Variants in PIGF observed in about 807,000 individuals in gnomAD.
PIGF encodes the protein GPI ethanolamine phosphate transferase, stabilizing subunit.
A neutral mutation model predicts 26.0 loss-of-function variants in PIGF; 23 were observed. That is an observed-to-expected ratio of 0.88 (90% CI 0.64 to 1.25). The LOEUF (loss-of-function observed/expected upper bound fraction) is 1.25. PIGF is among the 50% of genes most tolerant of loss of function. PIGF has a pLI of 0.00. For missense variants in PIGF, 278 were observed against 249.9 expected, an observed-to-expected ratio of 1.11 and a Z score of -0.76; for synonymous variants, 93 against 92.6, an observed-to-expected ratio of 1.00 and a Z score of -0.03.
intron 4 of PIGF, among the ~76,000 whole-genome samples, chr2:46,598,324 G>A (rs1215181513): frequency 6.6e-6 from 1 of 151,248 alleles, no homozygotes; most frequent in African/African-American, 2.4e-5. Context: ...TTTATTTGAC[G>A]TATTCCTCAA....
intron 2 of PIGF, chr2:46,614,332 T>C (rs949807592): frequency 6.5e-6 from 1 of 153,200 alleles, no homozygotes; most frequent in African/African-American, 2.4e-5. Context: ...CTTAAGAATA[T>C]ATAAACATAA....
In PIGF at chr2:46,615,014, C is replaced by T; in HGVS notation, c.151G>A (p.Val51Ile). Residue 51 changes from valine (V) to isoleucine (I), a missense_variant, in exon 2 of 6, where the codon GTA (valine) becomes ATA (isoleucine). Physicochemically the swap from Val to Ile is conservative, Grantham distance 29. Transcript: ENST00000281382. ...LTWLCICSGFVTAVNLVLYLV... is the reference protein window; with the variant it reads ...LTWLCICSGFITAVNLVLYLV... ...TATAGTACTAGATTGACAGCAGTTA[C>T]AAAACCAGAACAGATGCACAACCAT... The T allele has an allele frequency of 2.5e-6, 4 of 1,609,706 alleles. No homozygotes were observed. Among genetic ancestry groups the T allele is most frequent in the Non-Finnish European group, 3.4e-6 (4 of 1,176,110 alleles).
At position 46,612,229 on chromosome 2, in the gene PIGF, C is replaced by A; in HGVS notation, c.436G>T (p.Gly146Ter). ...TTATAATATAAAATTAAAACTTACC[C>A]ATTTCTACTGAACACTCTTAGCCAT... ...KAWLRVFSRN[G>*]VTSIWENSLQ... Residue 146 changes from glycine (G) to a stop codon, truncating the protein, a stop_gained and splice_region_variant, in exon 4 of 6, where the codon GGA (glycine) becomes TGA (stop). Transcript: ENST00000281382. LOFTEE classifies it high-confidence loss of function. 2 of 989,098 alleles carry A rather than the reference C, an allele frequency of 2.0e-6. No homozygotes were observed. The highest frequency in any genetic ancestry group is 1.4e-6 in the Non-Finnish European group (1 of 717,690). 61.3% of individuals were successfully genotyped at this position (989,098 alleles called of 1,614,324 possible). A position where few individuals can be genotyped will look rare whatever the true frequency, so the allele number is the denominator to read the frequency against.
chr2:46,598,049 A>T (rs979273905), intron 4 of PIGF, among the ~76,000 whole-genome samples: 18 of 151,820 alleles, frequency 1.2e-4, no homozygotes, highest in Non-Finnish European at 5.9e-5. Flanking sequence ...TTTTGAACTA[A>T]TTTCTGCTTT....
rs1195972174 is a variant in PIGF, at chr2:46,589,869, A to G, written c.546+2606T>C. On this transcript the variant is annotated intron_variant, in intron 5 of 5. Coordinates refer to ENST00000281382, the MANE Select transcript of PIGF (RefSeq NM_002643.4). The surrounding 1 kb of genome is among the most constrained non-coding windows in gnomAD (Gnocchi z 4.7). ...CAAACAACCTTGTTTGCTGGAAATA[A>G]AAAGTGAAAAAAAAACCTCATTTCT... Among the ~76,000 whole-genome samples the G allele has an allele frequency of 1.3e-5, 2 of 152,030 alleles. No homozygotes were observed. The highest frequency in any genetic ancestry group is 4.8e-5 in the African/African-American group (2 of 41,432).
chr2:46,614,910 A>C (rs1482709934), intron 2 of PIGF, 27 bp downstream of exon 2: 1 of 1,059,312 alleles, frequency 9.4e-7, no homozygotes, highest in Non-Finnish European at 1.5e-6. Context: ...TCCATCCAAA[A>C]ATCAGTTATT....
In PIGF at chr2:46,600,841, C is replaced by T. The variant is rs573905012; in HGVS notation, c.438-8258G>A. Among the ~76,000 whole-genome samples the T allele has an allele frequency of 2.0e-3, 297 of 151,982 alleles. 1 individual carries two copies. The highest frequency in any genetic ancestry group is 3.4e-3 in the Middle Eastern group (1 of 294). On this transcript the variant is annotated intron_variant, in intron 4 of 5. Transcript: ENST00000281382. ...GTAGATTATACACACACACAGATAACGATGTTCATAACACATTAGTGGGAA... is the reference window on the plus strand; with the variant it reads ...GTAGATTATACACACACACAGATAATGATGTTCATAACACATTAGTGGGAA...
chr2:46,596,734 A>G (rs1669899739), intron 4 of PIGF, among the ~76,000 whole-genome samples: 1 of 152,028 alleles, frequency 6.6e-6, no homozygotes, highest in Non-Finnish European at 1.5e-5. Context: ...CTAAGGGAGA[A>G]GATTTAGCAC....
At chr2:46,606,014 T>C (rs1388132706) in intron 4 of PIGF, among the ~76,000 whole-genome samples, 4 of 152,200 alleles carry the variant, frequency 2.6e-5, no homozygotes, top group East Asian at 1.9e-4. Context: ...CTCCAGTATG[T>C]TGGAAATTTT....
chr2:46,591,143 G>C (rs1478855281), intron 5 of PIGF, among the ~76,000 whole-genome samples: 1 of 151,996 alleles, frequency 6.6e-6, no homozygotes, highest in Non-Finnish European at 1.5e-5. Flanking sequence ...AGTAAAATAG[G>C]AAATGACCTA....
intron 4 of PIGF, among the ~76,000 whole-genome samples, chr2:46,607,169 C>T (rs932995233): frequency 6.6e-6 from 1 of 152,122 alleles, no homozygotes; most frequent in Non-Finnish European, 1.5e-5. Context: ...AAAATAACCA[C>T]CTCCCAGCTA....
At chr2:46,581,778 A>C (rs1345950148) in intron 5 of PIGF, 187 bp from the exon 6 acceptor site, 5 of 748,010 alleles carry the variant, frequency 6.7e-6, no homozygotes, top group Non-Finnish European at 9.7e-6. Flanking sequence ...AATGTGCATT[A>C]AACTGTAACA....
intron 4 of PIGF, among the ~76,000 whole-genome samples, chr2:46,603,224 T>C (rs931942653): frequency 8.6e-5 from 13 of 151,896 alleles, no homozygotes; most frequent in African/African-American, 2.9e-4. Flanking sequence ...ACACAAAAAA[T>C]GGAAAGATAT....
Position 46,586,416 on chromosome 2 carries a change from A to G in PIGF, c.547-4825T>C, listed in dbSNP as rs567912765. Among the ~76,000 whole-genome samples the G allele has an allele frequency of 3.3e-5, 5 of 152,342 alleles. No homozygotes were observed. The South Asian group carries it at 1.0e-3, about 32-fold the overall frequency. On this transcript the variant is annotated intron_variant, in intron 5 of 5. Coordinates refer to ENST00000281382, the MANE Select transcript of PIGF (RefSeq NM_002643.4). ...TATTTAATTTTGGATACATTTTAGT[A>G]TAAATTCTTAAAAATGTGTTCCAAT... is the stretch of plus-strand genomic sequence containing the variant.
intron 4 of PIGF, among the ~76,000 whole-genome samples, chr2:46,611,187 C>G (rs1670402152): frequency 6.6e-6 from 1 of 152,042 alleles, no homozygotes; most frequent in South Asian, 2.1e-4. Flanking sequence ...AGCTCCTCAG[C>G]AAAAGAATCC....
Position 46,581,477 on chromosome 2 carries a change from G to A in PIGF, c.*1C>T, listed in dbSNP as rs375902379. On this transcript the variant is annotated 3_prime_UTR_variant, in exon 6 of 6. Transcript: ENST00000281382. Reference sequence around the variant, plus strand: ...CAAAGAAATATCTCCCTTTGCTCCAGTTAATTGTTCTTGTATGTAAGTTGC... The same window carrying A: ...CAAAGAAATATCTCCCTTTGCTCCAATTAATTGTTCTTGTATGTAAGTTGC... 6.2e-7 allele frequency: 1 copy of A among 1,610,420 alleles called. No homozygotes were observed. The highest frequency in any genetic ancestry group is 8.5e-7 in the Non-Finnish European group (1 of 1,178,976).
rs1373853546 is a variant in PIGF at position 46,596,858 on chromosome 2, G to C, written c.438-4275C>G. On this transcript the variant is annotated intron_variant, in intron 4 of 5. Coordinates refer to ENST00000281382, the MANE Select transcript of PIGF (RefSeq NM_002643.4). ...GAATCAATAGTAATGTCTACGTTATGATGATTATAAAACTGCTAATCACAG... is the reference window on the plus strand; with the variant it reads ...GAATCAATAGTAATGTCTACGTTATCATGATTATAAAACTGCTAATCACAG... 2.0e-5 allele frequency among the ~76,000 whole-genome samples: 3 copies of C among 152,122 alleles called. No homozygotes were observed. The East Asian group carries it at 5.8e-4, about 29-fold the overall frequency.
intron 1 of PIGF, 114 bp downstream of exon 1, chr2:46,616,856 C>T (rs1016849974): frequency 9.7e-6 from 3 of 308,204 alleles, no homozygotes; most frequent in Non-Finnish European, 1.9e-5. Context: ...TGGCGCTGAG[C>T]TGACGGCGAG....
Position 46,615,172 on chromosome 2 carries a change from T to C in PIGF, c.-8A>G. 2 of 1,304,612 alleles carry C rather than the reference T, an allele frequency of 1.5e-6. No homozygotes were observed. Among genetic ancestry groups the C allele is most frequent in the Non-Finnish European group, 2.2e-6 (2 of 905,380 alleles). 80.8% of individuals were successfully genotyped at this position (1,304,612 alleles called of 1,614,324 possible). A position where few individuals can be genotyped will look rare whatever the true frequency, so the allele number is the denominator to read the frequency against. ...GATATCGTTATCTTTCATGGTGTTTTCTTGGATGGCTAGCTAACAAAAAAC... is the reference window on the plus strand; with the variant it reads ...GATATCGTTATCTTTCATGGTGTTTCCTTGGATGGCTAGCTAACAAAAAAC... On this transcript the variant is annotated 5_prime_UTR_variant, in exon 2 of 6. Coordinates refer to ENST00000281382, the MANE Select transcript of PIGF (RefSeq NM_002643.4).
Sources: allele counts gnomAD v4.1 joint callset (sites outside exome capture counted in the v4.1 genomes callset), GRCh38; gene constraint gnomAD v4.1.1; non-coding constraint Gnocchi (gnomAD v3.1); transcripts MANE v1.5; gene names NCBI Gene and HGNC (gene_info 2026-07-23, HGNC 2026-07-21).